RBMS3: variants seen among roughly 807,000 people sequenced by gnomAD.
RBMS3 encodes the protein RNA binding motif single stranded interacting protein 3, also known as RNA-binding motif, single-stranded-interacting protein 3.
Under a neutral mutation model 66.8 loss-of-function variants are expected in RBMS3, and 27 were observed. That is an observed-to-expected ratio of 0.40 (90% CI 0.30 to 0.56). The LOEUF is 0.56. RBMS3 is among the 20% of genes least tolerant of loss of function. The pLI, the probability that RBMS3 is intolerant of heterozygous loss-of-function variation, is 0.40. For synonymous variants in RBMS3, 188 were observed against 183.0 expected, an observed-to-expected ratio of 1.03 and a Z score of -0.22; for missense variants, 513 against 549.5, an observed-to-expected ratio of 0.93 and a Z score of 0.66.
intron 4 of RBMS3, among the ~76,000 whole-genome samples, chr3:29,717,419 T>G (rs1362905853): frequency 2.0e-5 from 3 of 152,158 alleles, no homozygotes; most frequent in Admixed American, 1.3e-4. Flanking sequence ...ATTTCTGTAA[T>G]GAGCACATTC....
intron 1 of RBMS3, among the ~76,000 whole-genome samples, chr3:29,298,597 A>T (rs1323577692): frequency 6.7e-6 from 1 of 148,848 alleles, no homozygotes. Flanking sequence ...GGTGTTTGGC[A>T]TTTTTTTTTT....
Position 29,573,704 on chromosome 3 carries a change from A to G in RBMS3, c.308-13410A>G, listed in dbSNP as rs113416383. On this transcript the variant is annotated intron_variant, in intron 3 of 14. Transcript: ENST00000383767. Reference sequence around the variant, plus strand: ...TTTTTTGATGTAGGCACTTATAACTATAAACTTCCCTCTGAGTACTGCTTT... The same window carrying G: ...TTTTTTGATGTAGGCACTTATAACTGTAAACTTCCCTCTGAGTACTGCTTT... Among the ~76,000 whole-genome samples the G allele has an allele frequency of 4.4e-3, 672 of 152,236 alleles. 3 individuals carry two copies. The highest frequency in any genetic ancestry group is 0.015 in the African/African-American group (634 of 41,536).
At chr3:29,413,359 A>G (rs1301115695) in intron 1 of RBMS3, among the ~76,000 whole-genome samples, 3 of 150,384 alleles carry the variant, frequency 2.0e-5, no homozygotes, top group Non-Finnish European at 4.4e-5. Context: ...AAGAGAGTGA[A>G]ACTCCATCTC....
intron 1 of RBMS3, among the ~76,000 whole-genome samples, chr3:29,335,443 G>C (rs949224150): frequency 6.6e-6 from 1 of 152,114 alleles, no homozygotes; most frequent in Non-Finnish European, 1.5e-5. Context: ...ATTTTGGTCC[G>C]TGGCAGATAT....
chr3:29,475,713 G>C (rs146586059), intron 2 of RBMS3, among the ~76,000 whole-genome samples: 1 of 152,140 alleles, frequency 6.6e-6, no homozygotes, highest in Non-Finnish European at 1.5e-5. Context: ...AGGATTATGG[G>C]ATGTGATAGG....
chr3:29,714,879 C>T (rs2053325470), intron 4 of RBMS3, among the ~76,000 whole-genome samples: 1 of 152,028 alleles, frequency 6.6e-6, no homozygotes, highest in African/African-American at 2.4e-5. Context: ...CAGTTACAGA[C>T]CTTGAGGTGA....
At chr3:29,725,012 G>A (rs1263576948) in intron 4 of RBMS3, among the ~76,000 whole-genome samples, 1 of 152,104 alleles carries the variant, frequency 6.6e-6, no homozygotes, top group East Asian at 1.9e-4. Flanking sequence ...GAATGATCAA[G>A]AGCAAATATG....
At chr3:29,516,103 A>G (rs1414148958) in intron 3 of RBMS3, among the ~76,000 whole-genome samples, 5 of 152,190 alleles carry the variant, frequency 3.3e-5, no homozygotes, top group Admixed American at 3.3e-4. Flanking sequence ...CATGGGGACC[A>G]ATAAGATGAG....
chr3:29,501,957 A>G (rs758159579), intron 3 of RBMS3, among the ~76,000 whole-genome samples: 2 of 152,046 alleles, frequency 1.3e-5, no homozygotes, highest in African/African-American at 4.8e-5. Context: ...TTATACTAAC[A>G]TACTCTGCAG....
chr3:29,357,497 C>T (rs934588960), intron 1 of RBMS3, among the ~76,000 whole-genome samples: 10 of 152,048 alleles, frequency 6.6e-5, no homozygotes, highest in South Asian at 2.1e-4. Context: ...TGAGTAGTGC[C>T]GCAATAAACA....
chr3:29,630,279 G>C (rs976583918), intron 4 of RBMS3, among the ~76,000 whole-genome samples: 3 of 152,012 alleles, frequency 2.0e-5, no homozygotes, highest in Non-Finnish European at 2.9e-5. Flanking sequence ...AGAAAAGCTG[G>C]TGAATGATGT....
At chr3:29,452,002 T>G (rs1466867954) in intron 2 of RBMS3, among the ~76,000 whole-genome samples, 1 of 152,220 alleles carries the variant, frequency 6.6e-6, no homozygotes, top group African/African-American at 2.4e-5. Context: ...AGGGATATTT[T>G]GCATGAACAA....
chr3:29,902,004 A>G (rs1332694690), intron 10 of RBMS3, among the ~76,000 whole-genome samples: 1 of 151,864 alleles, frequency 6.6e-6, no homozygotes, highest in Non-Finnish European at 1.5e-5. Flanking sequence ...CTATGATACT[A>G]AAATATAAAA....
chr3:29,648,860 A>G (rs2050041922), intron 4 of RBMS3, among the ~76,000 whole-genome samples: 1 of 152,182 alleles, frequency 6.6e-6, no homozygotes, highest in South Asian at 2.1e-4. Context: ...CTTCATTTTC[A>G]AAGGCATATG....
intron 4 of RBMS3, among the ~76,000 whole-genome samples, chr3:29,674,737 CAAAAAAAAAAAA>C (rs149403305): frequency 9.9e-6 from 1 of 100,912 alleles, no homozygotes; most frequent in Non-Finnish European, 2.0e-5. Context: ...ACCACTGCTC[CAAAAAAAAAAAA>C]AAAAAAAAAG....
At chr3:29,994,335 C>T (rs376024069) in intron 14 of RBMS3, among the ~76,000 whole-genome samples, 2,495 of 152,300 alleles carry the variant, frequency 0.016, 38 homozygotes, top group African/African-American at 0.033. Context: ...AACTGCAAGG[C>T]GGCAGTGAGG....
chr3:29,642,006 T>C (rs1374903390), intron 4 of RBMS3, among the ~76,000 whole-genome samples: 2 of 152,114 alleles, frequency 1.3e-5, no homozygotes, highest in African/African-American at 2.4e-5. Context: ...TGACATTTCT[T>C]AGGCATTTTA....
At chr3:29,824,109 C>A (rs1310068248) in intron 6 of RBMS3, among the ~76,000 whole-genome samples, 2 of 151,030 alleles carry the variant, frequency 1.3e-5, no homozygotes, top group South Asian at 2.1e-4. Flanking sequence ...GTTTATGTCC[C>A]CCCACCCCCA....
intron 5 of RBMS3, among the ~76,000 whole-genome samples, chr3:29,753,342 A>G (rs1409375149): frequency 6.6e-6 from 1 of 152,104 alleles, no homozygotes; most frequent in East Asian, 1.9e-4. Flanking sequence ...TGTTTCCACA[A>G]TGCACCTCAC....
Sources: allele counts gnomAD v4.1 joint callset (sites outside exome capture counted in the v4.1 genomes callset), GRCh38; gene constraint gnomAD v4.1.1; transcripts MANE v1.5; gene names NCBI Gene and HGNC (gene_info 2026-07-23, HGNC 2026-07-21).